The following HMGB1 variants were observed in gnomAD, a reference collection of about 807,000 sequenced individuals.
HMGB1 encodes the protein high mobility group box 1.
For synonymous variants in HMGB1, 81 were observed against 84.0 expected, an observed-to-expected ratio of 0.96 and a Z score of 0.19; for missense variants, 79 against 253.5, an observed-to-expected ratio of 0.31 and a Z score of 4.67.
intron 1 of HMGB1, among the ~76,000 whole-genome samples, chr13:30,588,867 A>T (rs1355779089): frequency 1.3e-5 from 2 of 152,128 alleles, no homozygotes; most frequent in East Asian, 3.9e-4. Flanking sequence ...CAGTGAGCCG[A>T]CATCGCGCCA....
chr13:30,461,739 C>T lies in HMGB1; in HGVS notation c.472-206G>A, dbSNP rs1199324137. The T allele has an allele frequency of 1.0e-5, 13 of 1,301,174 alleles. No homozygotes were observed. The East Asian group carries it at 3.0e-4, about 30-fold the overall frequency. The allele number at this position is 1,301,174 out of a possible 1,614,324, so 80.6% of individuals were successfully genotyped here. Reference sequence around the variant, plus strand: ...AAGATCATTATAACAATCTATAACTCATGAAATGGCATAGTCTAATATTTG... The same window carrying T: ...AAGATCATTATAACAATCTATAACTTATGAAATGGCATAGTCTAATATTTG... On this transcript the variant is annotated intron_variant, in intron 4 of 4. Transcript: ENST00000341423.
chr13:30,463,756 T>A, intron 1 of HMGB1, 62 bp from the exon 2 acceptor site: 1 of 1,113,482 alleles, frequency 9.0e-7, no homozygotes, highest in Non-Finnish European at 1.3e-6. Flanking sequence ...GACCTTAAAG[T>A]ACTTAGTAAG....
At chr13:30,568,141 G>A (rs138773467) in intron 1 of HMGB1, among the ~76,000 whole-genome samples, 2,480 of 152,210 alleles carry the variant, frequency 0.016, 54 homozygotes, top group Admixed American at 0.056. Context: ...CTAGTGTGTA[G>A]TGGGCCAAAT....
chr13:30,533,605 T>C (rs1566017235), intron 1 of HMGB1, among the ~76,000 whole-genome samples: 1 of 152,072 alleles, frequency 6.6e-6, no homozygotes, highest in East Asian at 1.9e-4. Context: ...CCTCGAGTGA[T>C]CCACCGGCCT....
intron 1 of HMGB1, among the ~76,000 whole-genome samples, chr13:30,501,901 A>G (rs1360190859): frequency 6.6e-6 from 1 of 152,222 alleles, no homozygotes; most frequent in Non-Finnish European, 1.5e-5. Context: ...TTCAGTTACA[A>G]CACCTCATTT....
chr13:30,546,624 C>T (rs910623760), intron 1 of HMGB1, among the ~76,000 whole-genome samples: 2 of 152,158 alleles, frequency 1.3e-5, no homozygotes, highest in African/African-American at 4.8e-5. Context: ...ACTGGAACTA[C>T]AGGCGGGTGC....
chr13:30,491,178 G>A (rs868456735), intron 1 of HMGB1, among the ~76,000 whole-genome samples: 7 of 152,132 alleles, frequency 4.6e-5, no homozygotes, highest in Middle Eastern at 3.4e-3. Context: ...ACAGGCGTGT[G>A]GCACCACGCC....
chr13:30,464,759 CTT>C (rs1565995379), intron 1 of HMGB1: 1 of 228,866 alleles, frequency 4.4e-6, no homozygotes, highest in Non-Finnish European at 5.5e-6. Context: ...GGCTCCTTCC[CTT>C]TGTGTGTGTG....
intron 1 of HMGB1, among the ~76,000 whole-genome samples, chr13:30,581,464 A>G (rs1026040263): frequency 6.6e-6 from 1 of 152,206 alleles, no homozygotes; most frequent in Non-Finnish European, 1.5e-5. Flanking sequence ...CACACTGTCA[A>G]TGGCTGCTTT....
At chr13:30,539,673 G>C in intron 1 of HMGB1, 1 of 242,640 alleles carries the variant, frequency 4.1e-6, no homozygotes, top group Non-Finnish European at 8.1e-6. Context: ...TTCATGAAAG[G>C]AATGAGGTGG....
intron 1 of HMGB1, among the ~76,000 whole-genome samples, chr13:30,531,509 C>CGTGT (rs376387192): frequency 0.07 from 9,499 of 135,512 alleles, 422 homozygotes; most frequent in African/African-American, 0.12. Flanking sequence ...GTAACATATA[C>CGTGT]GTGTGTGTGT....
intron 1 of HMGB1, among the ~76,000 whole-genome samples, chr13:30,612,817 A>T (rs996438282): frequency 3.9e-5 from 6 of 152,220 alleles, no homozygotes; most frequent in Non-Finnish European, 1.5e-5. Context: ...TTCAACAAGT[A>T]CTTATAGAAC....
At chr13:30,590,213 G>A (rs2137551876) in intron 1 of HMGB1, among the ~76,000 whole-genome samples, 1 of 152,188 alleles carries the variant, frequency 6.6e-6, no homozygotes, top group East Asian at 1.9e-4. Flanking sequence ...TGTGGCCACT[G>A]AGTACTTAGA....
At chr13:30,612,665 A>C (rs561763170) in intron 1 of HMGB1, among the ~76,000 whole-genome samples, 2 of 152,324 alleles carry the variant, frequency 1.3e-5, no homozygotes, top group South Asian at 4.1e-4. Flanking sequence ...AAATAATCCT[A>C]AATTCCTTCT....
intron 1 of HMGB1, among the ~76,000 whole-genome samples, chr13:30,567,528 T>G (rs1291152747): frequency 1.3e-5 from 2 of 152,144 alleles, no homozygotes; most frequent in East Asian, 3.9e-4. Flanking sequence ...TTTTTTGTAC[T>G]TTTAGTAGAG....
intron 1 of HMGB1, among the ~76,000 whole-genome samples, chr13:30,508,430 T>G (rs1349878404): frequency 9.2e-5 from 14 of 152,082 alleles, no homozygotes; most frequent in Admixed American, 9.2e-4. Flanking sequence ...GAGAATTGCT[T>G]GAACCTGGGA....
chr13:30,551,319 T>C (rs1228480200), intron 1 of HMGB1, among the ~76,000 whole-genome samples: 1 of 152,202 alleles, frequency 6.6e-6, no homozygotes, highest in Non-Finnish European at 1.5e-5. Flanking sequence ...GGCTCATCAC[T>C]GAACTGAACC....
At chr13:30,480,832 C>G (rs1024082981) in intron 1 of HMGB1, among the ~76,000 whole-genome samples, 1 of 151,834 alleles carries the variant, frequency 6.6e-6, no homozygotes, top group Non-Finnish European at 1.5e-5. Context: ...GGGATTTATA[C>G]GTGCCAAATG....
intron 1 of HMGB1, among the ~76,000 whole-genome samples, chr13:30,591,427 C>T (rs1455983243): frequency 4.0e-5 from 6 of 151,756 alleles, no homozygotes; most frequent in Admixed American, 6.6e-5. Flanking sequence ...AAACACCTGG[C>T]GATTTTATAT....
Sources: gnomAD v4.1 joint callset for allele counts (sites outside exome capture counted in the v4.1 genomes callset) on GRCh38, gnomAD v4.1.1 for gene constraint, MANE v1.5 for transcripts, NCBI Gene and HGNC (gene_info 2026-07-23, HGNC 2026-07-21) for gene names.